SETD5: variants seen among roughly 807,000 people sequenced by gnomAD.
SETD5 encodes the protein SET domain containing 5.
SETD5 carries 44 observed loss-of-function variants against 153.3 expected under a neutral mutation model. That is an observed-to-expected ratio of 0.29 (90% CI 0.23 to 0.37). SETD5 has a LOEUF of 0.37. Ranked by LOEUF, SETD5 falls within the 10% of genes least tolerant of loss-of-function variation. SETD5 has a pLI of 1.00. For synonymous variants in SETD5, 716 were observed against 645.2 expected (o/e 1.11, Z -1.66); for missense variants, 1,544 against 1,768.0 (o/e 0.87, Z 2.27).
At chr3:9,438,255 T>C (rs1412516254) in intron 7 of SETD5, among the ~76,000 whole-genome samples, 1 of 152,216 alleles carries the variant, frequency 6.6e-6, no homozygotes, top group Non-Finnish European at 1.5e-5. Flanking sequence ...GATCCGTCTC[T>C]TGCAAGTGGC....
intron 18 of SETD5, among the ~76,000 whole-genome samples, chr3:9,469,182 G>T (rs557551380): frequency 6.6e-6 from 1 of 152,158 alleles, no homozygotes; most frequent in Non-Finnish European, 1.5e-5. Flanking sequence ...TCTGTCACAG[G>T]CCACCATTCT....
At chr3:9,414,870 C>T (rs1468915237) in intron 1 of SETD5, among the ~76,000 whole-genome samples, 1 of 150,952 alleles carries the variant, frequency 6.6e-6, no homozygotes, top group East Asian at 1.9e-4. Context: ...AAAGGAAATA[C>T]AGTATTCAAA....
At chr3:9,449,253 AC>A (rs2042359702) in intron 16 of SETD5, among the ~76,000 whole-genome samples, 1 of 151,074 alleles carries the variant, frequency 6.6e-6, no homozygotes, top group East Asian at 1.9e-4. Context: ...CCAGTTACTT[AC>A]TGTTTTTGGA....
chr3:9,469,313 T>C (rs1020274166), intron 18 of SETD5, among the ~76,000 whole-genome samples: 1 of 152,226 alleles, frequency 6.6e-6, no homozygotes, highest in Non-Finnish European at 1.5e-5. Context: ...CTAGAGTTTC[T>C]ATTATAAGCT....
At chr3:9,417,600 C>T (rs920716921) in intron 1 of SETD5, among the ~76,000 whole-genome samples, 3 of 151,798 alleles carry the variant, frequency 2.0e-5, no homozygotes, top group African/African-American at 7.3e-5. Flanking sequence ...ATTCTCCTGC[C>T]TCAGCCTCCC....
At position 9,474,539 on chromosome 3, in the gene SETD5, G is replaced by C. The variant is rs753754584; in HGVS notation, c.3588G>C (p.Glu1196Asp). 3 of 1,613,882 alleles carry C rather than the reference G, an allele frequency of 1.9e-6. No homozygotes were observed. The highest frequency in any genetic ancestry group is 2.5e-6 in the Non-Finnish European group (3 of 1,179,878). Residue 1196 changes from glutamate (E) to aspartate (D), a missense_variant, in exon 21 of 23, where the codon GAG becomes GAC. Glu to Asp is a conservative substitution (Grantham distance 45). Coordinates refer to ENST00000402198, the MANE Select transcript of SETD5 (RefSeq NM_001080517.3). ...RSSVRVAQKGEPSPTWESNIT... is the reference protein window; with the variant it reads ...RSSVRVAQKGDPSPTWESNIT... ...GCGTGAGGGTGGCCCAAAAGGGAGA[G>C]CCCTCTCCCACATGGGAGAGTAACA...
chr3:9,438,653 A>T (rs2040890002), intron 7 of SETD5, among the ~76,000 whole-genome samples: 1 of 152,208 alleles, frequency 6.6e-6, no homozygotes, highest in Non-Finnish European at 1.5e-5. Context: ...AGAAAAAATT[A>T]TCATTTGGAT....
chr3:9,433,261 T>C, intron 3 of SETD5: 1 of 673,738 alleles, frequency 1.5e-6, no homozygotes, highest in Non-Finnish European at 2.2e-6. Flanking sequence ...TGCATGTCAT[T>C]GGTGGATGAG....
At chr3:9,456,851 C>T (rs758037053) in intron 17 of SETD5, among the ~76,000 whole-genome samples, 1 of 151,980 alleles carries the variant, frequency 6.6e-6, no homozygotes, top group Non-Finnish European at 1.5e-5. Flanking sequence ...TGGCATGCAC[C>T]TGTAGTCCCA....
rs1208992903 is a variant in SETD5 at position 9,475,130 on chromosome 3, T to G, written c.3694T>G (p.Tyr1232Asp). Residue 1232 changes from tyrosine (Y) to aspartate (D), a missense_variant, in exon 22 of 23, where the codon TAC becomes GAC. Tyr to Asp is a radical substitution (Grantham distance 160, BLOSUM62 -3). This residue lies in a region of SETD5 where 302 missense variants were observed against 277.6 expected (regional missense o/e 1.09). Transcript: ENST00000402198. ...SSALSKGATV[Y>D]SPSRYSYQLL... ...AGCACTCTCTAAAGGAGCAACAGTT[T>G]ACAGCCCTTCCAGATACAGCTACCA... 6.3e-7 allele frequency: 1 copy of G among 1,589,172 alleles called. No homozygotes were observed. The highest frequency in any genetic ancestry group is 8.6e-7 in the Non-Finnish European group (1 of 1,167,946).
Position 9,435,777 on chromosome 3 carries a change from C to T in SETD5, c.438C>T (p.Ser146=), listed in dbSNP as rs2125111127. The change falls in exon 7 of 23, where the codon TCC becomes TCT. Residue 146 remains serine, a synonymous_variant. Transcript: ENST00000402198. ...GCTGGGATGAGGAGCTTTCTCCTTC[C>T]ACTGTGTTGTATACAGCAACACAGC... is the stretch of plus-strand genomic sequence containing the variant. ...TESWDEELSP[S]TVLYTATQHT... 1 of 1,601,208 alleles carries T rather than the reference C, an allele frequency of 6.2e-7. No individual in the cohort carries two copies. Among genetic ancestry groups the T allele is most frequent in the East Asian group, 2.2e-5 (1 of 44,548 alleles).
chr3:9,440,059 A>C (rs1247869972), intron 7 of SETD5, among the ~76,000 whole-genome samples: 1 of 152,242 alleles, frequency 6.6e-6, no homozygotes, highest in Non-Finnish European at 1.5e-5. Context: ...TGAAAAATTT[A>C]AGCAGTGATA....
At position 9,475,658 on chromosome 3, in the gene SETD5, A is replaced by G; in HGVS notation, c.3896A>G (p.Tyr1299Cys). The part of the protein sequence containing the change: ...SSESSLSSTS[Y>C]SSPAHPVSTD... ...GAATCATCCCTCTCTTCCACGTCCT[A>G]TTCCAGCCCCGCCCACCCTGTGTCC... The change falls in exon 23 of 23, where the codon TAT (tyrosine) becomes TGT (cysteine). Residue 1299 changes from tyrosine (Y) to cysteine (C), a missense_variant. Transcript: ENST00000402198. 4 of 1,613,716 alleles carry G rather than the reference A, an allele frequency of 2.5e-6. No individual in the cohort carries two copies. The highest frequency in any genetic ancestry group is 2.5e-6 in the Non-Finnish European group (3 of 1,179,834).
rs565179638 is a variant in SETD5 at position 9,445,790 on chromosome 3, A to G, written c.1524+50A>G. ...GCTCCTTCTCATTCCTGCTACCTCCATCATGTGAACCTCTTCTGTTCTCTT... is the reference window on the plus strand; with the variant it reads ...GCTCCTTCTCATTCCTGCTACCTCCGTCATGTGAACCTCTTCTGTTCTCTT... On this transcript the variant is annotated intron_variant, in intron 13 of 22. Transcript: ENST00000402198. The G allele has an allele frequency of 4.4e-6, 6 of 1,354,860 alleles. No individual in the cohort carries two copies. The South Asian group carries it at 5.6e-5, about 13-fold the overall frequency. 83.9% of individuals were successfully genotyped at this position (1,354,860 alleles called of 1,614,324 possible). A position where few individuals can be genotyped will look rare whatever the true frequency, so the allele number is the denominator to read the frequency against.
At chr3:9,445,974 T>G (rs1051692877) in intron 13 of SETD5, among the ~76,000 whole-genome samples, 8 of 146,930 alleles carry the variant, frequency 5.4e-5, no homozygotes, top group Admixed American at 2.0e-4. Context: ...TGTTTTTTTT[T>G]TTTTTTTTTT....
chr3:9,410,070 A>G (rs868406713), intron 1 of SETD5, among the ~76,000 whole-genome samples: 13 of 152,210 alleles, frequency 8.5e-5, no homozygotes, highest in African/African-American at 2.9e-4. Context: ...ATGTGTTGTC[A>G]GGTGATTTCG....
intron 6 of SETD5, among the ~76,000 whole-genome samples, chr3:9,435,341 A>G (rs2040439928): frequency 6.6e-6 from 1 of 151,870 alleles, no homozygotes; most frequent in Non-Finnish European, 1.5e-5. Context: ...TCTCAAGACC[A>G]CTGTATAGTT....
intron 1 of SETD5, among the ~76,000 whole-genome samples, chr3:9,419,660 T>C: frequency 6.6e-6 from 1 of 152,258 alleles, no homozygotes; most frequent in East Asian, 1.9e-4. Context: ...ATCTTAATTT[T>C]CTTTCCTCTG....
intron 3 of SETD5, chr3:9,432,426 G>A (rs1300641131): frequency 3.1e-6 from 1 of 322,228 alleles, no homozygotes. Flanking sequence ...ACTATATATT[G>A]TATATCTTTA....
Sources: gnomAD v4.1 joint callset for allele counts (sites outside exome capture counted in the v4.1 genomes callset) on GRCh38, gnomAD v4.1.1 for gene constraint, gnomAD v4.1.1 regional missense constraint, MANE v1.5 for transcripts, NCBI Gene and HGNC (gene_info 2026-07-23, HGNC 2026-07-21) for gene names.